The following DENND1B variants were observed in gnomAD, a reference collection of about 807,000 sequenced individuals.
DENND1B encodes DENN domain containing 1B.
A neutral mutation model predicts 90.1 loss-of-function variants in DENND1B; 59 were observed. The ratio of observed to expected loss-of-function variants is 0.65; its 90% CI spans 0.53 to 0.81. The LOEUF (loss-of-function observed/expected upper bound fraction) is 0.81, where lower values mean the gene tolerates loss of function less well. DENND1B is among the 40% of genes least tolerant of loss of function. DENND1B has a pLI of 0.00. For missense variants in DENND1B, 862 were observed against 912.6 expected, an observed-to-expected ratio of 0.94 and a Z score of 0.71; for synonymous variants, 337 against 324.6, an observed-to-expected ratio of 1.04 and a Z score of -0.41.
chr1:197,776,914 G>T (rs1657300249), upstream of DENND1B, among the ~76,000 whole-genome samples: 1 of 152,096 alleles, frequency 6.6e-6, no homozygotes. Context: ...TGTAAAATGG[G>T]AATTATTACT....
At chr1:197,575,374 A>G (rs572642565) in intron 15 of DENND1B, among the ~76,000 whole-genome samples, 2 of 152,368 alleles carry the variant, frequency 1.3e-5, no homozygotes, top group East Asian at 3.9e-4. Context: ...AATCAAAACC[A>G]CAATGAGATA....
At chr1:197,659,792 G>T (rs1268397525) in intron 5 of DENND1B, among the ~76,000 whole-genome samples, 1 of 151,774 alleles carries the variant, frequency 6.6e-6, no homozygotes, top group Non-Finnish European at 1.5e-5. Flanking sequence ...GTATCTCAAA[G>T]AAAAAAGCCC....
Position 197,506,202 on chromosome 1 carries a change from A to G in DENND1B, c.*4258T>C, listed in dbSNP as rs1667724639. On this transcript the variant is annotated 3_prime_UTR_variant, in exon 23 of 23. Coordinates refer to ENST00000620048, the MANE Select transcript of DENND1B (RefSeq NM_001195215.2). ...GTTATGCAAGAAAAATTATTGCACG[A>G]AATCCTATTTTCAAAATAAAATATT... is the stretch of plus-strand genomic sequence containing the variant. The G allele has an allele frequency of 6.6e-6, 1 of 151,662 alleles. No individual in the cohort carries two copies. The highest frequency in any genetic ancestry group is 1.5e-5 in the Non-Finnish European group (1 of 67,686). 9.4% of individuals were successfully genotyped at this position (151,662 alleles called of 1,614,324 possible). A position where few individuals can be genotyped will look rare whatever the true frequency, so the allele number is the denominator to read the frequency against.
Position 197,511,868 on chromosome 1 carries a change from T to G in DENND1B, c.1675A>C (p.Thr559Pro). The G allele has an allele frequency of 6.2e-7, 1 of 1,611,186 alleles. No individual in the cohort carries two copies. Residue 559 changes from threonine (T) to proline (P), a missense_variant, in exon 22 of 23, where the codon ACT becomes CCT. Coordinates refer to ENST00000620048, the MANE Select transcript of DENND1B (RefSeq NM_001195215.2). ...AAGTCCATTTCACCTGAGTAAGGAG[T>G]CTTCACTCTTGTTTCAACAGAGTCA... ...SDDSVETRVK[T>P]PYSGEMDLLG...
rs1427964476 is a variant in DENND1B at position 197,509,241 on chromosome 1, C to G, written c.*1219G>C. ...AAGAGAGGAGCATGCTACAATTTAT[C>G]TGACAGTACTCTTCAAAGCTGTCAA... On this transcript the variant is annotated 3_prime_UTR_variant, in exon 23 of 23. Transcript: ENST00000620048. 6.6e-6 allele frequency: 1 copy of G among 151,736 alleles called. No individual in the cohort carries two copies. Among genetic ancestry groups the G allele is most frequent in the Non-Finnish European group, 1.5e-5 (1 of 67,852 alleles). The allele number at this position is 151,736 out of a possible 1,614,324, so 9.4% of individuals were successfully genotyped here.
At chr1:197,765,114 C>T (rs1655542503) in intron 2 of DENND1B, among the ~76,000 whole-genome samples, 1 of 152,168 alleles carries the variant, frequency 6.6e-6, no homozygotes, top group African/African-American at 2.4e-5. Context: ...ACCACAGTCT[C>T]CTAAATAAAT....
Position 197,661,473 on chromosome 1 carries a change from C to T in DENND1B, c.297-3104G>A, listed in dbSNP as rs1254667029. Among the ~76,000 whole-genome samples the T allele has an allele frequency of 3.3e-5, 5 of 151,988 alleles. No homozygotes were observed. The South Asian group carries it at 1.0e-3, about 31-fold the overall frequency. On this transcript the variant is annotated intron_variant, in intron 5 of 22. Transcript: ENST00000620048. ...ATTTCAATGTGTCATGTAGTTCAGA[C>T]CTAAAAATTCAGATGAGACCTAATC...
At chr1:197,770,806 ATATAAATATATATG>A (rs1293460815) in intron 2 of DENND1B, among the ~76,000 whole-genome samples, 3 of 138,032 alleles carry the variant, frequency 2.2e-5, no homozygotes, top group Non-Finnish European at 3.1e-5. Flanking sequence ...ATAAATATAT[ATATAAATATATATG>A]TAAATATATA....
At chr1:197,556,117 G>C (rs980241379) in intron 15 of DENND1B, among the ~76,000 whole-genome samples, 1 of 151,982 alleles carries the variant, frequency 6.6e-6, no homozygotes, top group African/African-American at 2.4e-5. Context: ...ATCAAATATT[G>C]CAAGTTTTCA....
At chr1:197,595,383 G>A in intron 13 of DENND1B, 50 bp from the exon 14 acceptor site, 2 of 1,596,306 alleles carry the variant, frequency 1.3e-6, no homozygotes, top group Non-Finnish European at 1.7e-6. Flanking sequence ...AATTGGTACA[G>A]CGAGGTAGGA....
Position 197,595,235 on chromosome 1 carries a change from G to A in DENND1B, c.1020C>T (p.Ser340=). The change falls in exon 14 of 23, where the codon TCC becomes TCT. Residue 340 remains serine, a synonymous_variant. Coordinates refer to ENST00000620048, the MANE Select transcript of DENND1B (RefSeq NM_001195215.2). Reference sequence around the variant, plus strand: ...GTTTGTATCTCAGTGCATCTCTGTAGGATCCAAACAAAGCAGCCTGTGCTC... The same window carrying A: ...GTTTGTATCTCAGTGCATCTCTGTAAGATCCAAACAAAGCAGCCTGTGCTC... ...FLRAQAALFG[S]YRDALRYKPG... is the part of the protein sequence containing the mutation. 1 of 1,613,148 alleles carries A rather than the reference G, an allele frequency of 6.2e-7. No individual in the cohort carries two copies. The highest frequency in any genetic ancestry group is 8.5e-7 in the Non-Finnish European group (1 of 1,179,364).
intron 15 of DENND1B, among the ~76,000 whole-genome samples, chr1:197,566,300 G>A (rs532741734): frequency 6.6e-5 from 10 of 152,210 alleles, no homozygotes; most frequent in Admixed American, 4.6e-4. Context: ...TTTGAGAAGT[G>A]TCTGTTCATG....
chr1:197,760,111 A>G (rs762211925), intron 2 of DENND1B, among the ~76,000 whole-genome samples: 5 of 152,208 alleles, frequency 3.3e-5, no homozygotes, highest in Non-Finnish European at 7.4e-5. Flanking sequence ...CTTAAAATGT[A>G]TAAGATGACT....
In DENND1B at chr1:197,688,008, G is replaced by A. The variant is rs1657434921; in HGVS notation, c.127-13839C>T. ...AAAATCAACATACAAAATCAGCTGT[G>A]TCTGTATACAGTAACATCAAACTAT... On this transcript the variant is annotated intron_variant, in intron 3 of 22. Transcript: ENST00000620048. 2.0e-5 allele frequency among the ~76,000 whole-genome samples: 3 copies of A among 152,146 alleles called. No homozygotes were observed. In the South Asian group the frequency reaches 6.2e-4, roughly 32 times the overall value.
At chr1:197,514,115 T>TA (rs1389579114) in intron 20 of DENND1B, among the ~76,000 whole-genome samples, 2 of 151,734 alleles carry the variant, frequency 1.3e-5, no homozygotes, top group Admixed American at 6.6e-5. Context: ...CTGAAGGTTT[T>TA]AGCATTCCAT....
chr1:197,720,188 T>C (rs1661028889), intron 2 of DENND1B, among the ~76,000 whole-genome samples: 1 of 152,220 alleles, frequency 6.6e-6, no homozygotes, highest in African/African-American at 2.4e-5. Flanking sequence ...ATAATTATGG[T>C]TAAAATGATA....
At chr1:197,574,647 A>C (rs367887843) in intron 15 of DENND1B, among the ~76,000 whole-genome samples, 9 of 152,182 alleles carry the variant, frequency 5.9e-5, no homozygotes, top group African/African-American at 1.7e-4. Context: ...AATCCTAAGC[A>C]AAAAGAACAA....
chr1:197,571,038 C>G (rs1162010068), intron 15 of DENND1B, among the ~76,000 whole-genome samples: 1 of 149,850 alleles, frequency 6.7e-6, no homozygotes, highest in Non-Finnish European at 1.5e-5. Context: ...TCTCTCTACT[C>G]TAACCCATAA....
intron 14 of DENND1B, among the ~76,000 whole-genome samples, chr1:197,590,464 A>G (rs550252080): frequency 4.5e-4 from 69 of 152,286 alleles, no homozygotes; most frequent in Admixed American, 1.8e-3. Flanking sequence ...AAAAAAGAGT[A>G]AAATATTCAT....
Sources: gnomAD v4.1 joint callset for allele counts (sites outside exome capture counted in the v4.1 genomes callset) on GRCh38, gnomAD v4.1.1 for gene constraint, MANE v1.5 for transcripts, NCBI Gene and HGNC (gene_info 2026-07-23, HGNC 2026-07-21) for gene names.